BTNL2: variants seen among roughly 807,000 people sequenced by gnomAD.
BTNL2 encodes butyrophilin-like protein 2.
BTNL2 carries 46 observed loss-of-function variants against 46.8 expected under a neutral mutation model. The ratio of observed to expected loss-of-function variants is 0.98; its 90% CI spans 0.78 to 1.26. BTNL2 has a LOEUF of 1.26. Among genes scored for constraint, BTNL2 ranks in the 50% most tolerant of loss-of-function variants. BTNL2 has a pLI of 0.00. For synonymous variants in BTNL2, 226 were observed against 229.1 expected (o/e 0.99, Z 0.12); for missense variants, 461 against 592.6 (o/e 0.78, Z 2.31).
Position 32,394,203 on chromosome 6 carries a change from G to A in BTNL2, c.1361-146C>T. 1.7e-6 allele frequency: 2 copies of A among 1,184,878 alleles called. No homozygotes were observed. The highest frequency in any genetic ancestry group is 2.3e-6 in the Non-Finnish European group (2 of 861,854). The allele number at this position is 1,184,878 out of a possible 1,614,324, so 73.4% of individuals were successfully genotyped here. A position where few individuals can be genotyped will look rare whatever the true frequency, so the allele number is the denominator to read the frequency against. Reference sequence around the variant, plus strand: ...CAGTTGGCCTGCTCCTCCCTGCTCTGGAGATGCAGAGGAGAGAATGCAAGT... The same window carrying A: ...CAGTTGGCCTGCTCCTCCCTGCTCTAGAGATGCAGAGGAGAGAATGCAAGT... On this transcript the variant is annotated intron_variant, in intron 6 of 7. Coordinates refer to ENST00000454136, the MANE Select transcript of BTNL2 (RefSeq NM_001304561.2). The surrounding 1 kb of genome is among the most constrained non-coding windows in gnomAD (Gnocchi z 4.6).
At chr6:32,402,079 G>GT (rs543961353) in intron 3 of BTNL2, among the ~76,000 whole-genome samples, 2,665 of 152,110 alleles carry the variant, frequency 0.018, 75 homozygotes, top group East Asian at 0.11. Flanking sequence ...TTAGCTATCA[G>GT]CATGAAAATA....
In BTNL2 at chr6:32,393,976, CT is replaced by C; in HGVS notation, c.1441del (p.Arg481GlyfsTer?). 6.5e-7 allele frequency: 1 copy of C among 1,546,244 alleles called. No homozygotes were observed. Among genetic ancestry groups the C allele is most frequent in the African/African-American group, 1.4e-5 (1 of 72,082 alleles). The part of the protein sequence containing the change: ...LAVAVGLPRK[R>X]S ...TCCCTGACTTACCTCTTTTCAGCTC[CT>C]CTTCCTGGGCAGGCCTACAGCCACA... On this transcript the variant is annotated frameshift_variant, in exon 7 of 8. Transcript: ENST00000454136. LOFTEE classifies it low-confidence loss of function (END_TRUNC). The surrounding 1 kb of genome is among the most constrained non-coding windows in gnomAD (Gnocchi z 4.8).
At position 32,395,025 on chromosome 6, in the gene BTNL2, C is replaced by A. The variant is rs144121882; in HGVS notation, c.1079G>T (p.Ser360Ile). 22 of 1,557,334 alleles carry A rather than the reference C, an allele frequency of 1.4e-5. No homozygotes were observed. In the East Asian group the frequency reaches 5.0e-4, roughly 35 times the overall value. Residue 360 changes from serine (S) to isoleucine (I), a missense_variant and splice_region_variant, in exon 6 of 8, where the codon AGT (serine) becomes ATT (isoleucine). Coordinates refer to ENST00000454136, the MANE Select transcript of BTNL2 (RefSeq NM_001304561.2). ...QEASLDLKVV[S>I]LGSSPLITVE... ...AGTGATCAGTGGGGAAGAACCCAGA[C>A]CTGGGGCAGAGAAAGCAACCAAAGC... is the stretch of plus-strand genomic sequence containing the variant.
At position 32,396,588 on chromosome 6, in the gene BTNL2, T is replaced by C. The variant is rs117995897; in HGVS notation, c.731-202A>G. The C allele has an allele frequency of 0.023, 13,880 of 597,512 alleles. 807 individuals are homozygous for C. Among genetic ancestry groups the C allele is most frequent in the East Asian group, 0.16 (5,548 of 34,244 alleles). The allele number at this position is 597,512 out of a possible 1,614,324, so 37.0% of individuals were successfully genotyped here. ...TCTTTAAGGAGGAATCATTCCATGA[T>C]GTGTGTCAGTCTGAGTAAAACAGTA... On this transcript the variant is annotated intron_variant, in intron 4 of 7. Transcript: ENST00000454136. The surrounding 1 kb of genome is among the most constrained non-coding windows in gnomAD (Gnocchi z 4.4).
rs746293878 is a variant in BTNL2, at chr6:32,394,697, C to T, written c.1360+47G>A. 22 of 1,566,230 alleles carry T rather than the reference C, an allele frequency of 1.4e-5. No individual in the cohort carries two copies. Among genetic ancestry groups the T allele is most frequent in the East Asian group, 1.4e-4 (6 of 44,376 alleles). On this transcript the variant is annotated intron_variant, in intron 6 of 7. Coordinates refer to ENST00000454136, the MANE Select transcript of BTNL2 (RefSeq NM_001304561.2). The surrounding 1 kb of genome is among the most constrained non-coding windows in gnomAD (Gnocchi z 4.6). ...ATACAATGAGTAAGTCTGAGTTGGTCTTCATATTTATTTTCCAAACCTGAA... is the reference window on the plus strand; with the variant it reads ...ATACAATGAGTAAGTCTGAGTTGGTTTTCATATTTATTTTCCAAACCTGAA...
intron 1 of BTNL2, 111 bp from the exon 2 acceptor site, chr6:32,405,397 T>G: frequency 3.1e-6 from 3 of 970,138 alleles, no homozygotes; most frequent in Non-Finnish European, 4.8e-6. Flanking sequence ...GGGAGAGATA[T>G]ATGTTTAATG....
rs1420890226 is a variant in BTNL2 at position 32,396,300 on chromosome 6, C to T, written c.817G>A (p.Ala273Thr). ...IQLTCYLSPK[A>T]NAQSMEVRWD... is the part of the protein sequence containing the mutation. The stretch of plus-strand genomic sequence containing the variant: ...CTCACCTCCATGCTCTGTGCATTCG[C>T]CTTGGGGGACAGGTAACAGGTTAGC... Residue 273 changes from alanine (A) to threonine (T), a missense_variant, in exon 5 of 8, where the codon GCG becomes ACG. By Grantham distance (58) the Ala-to-Thr change is moderately conservative. Coordinates refer to ENST00000454136, the MANE Select transcript of BTNL2 (RefSeq NM_001304561.2). This position sits in a 1 kb window ranked among gnomAD's most constrained non-coding sequence, Gnocchi z 4.4. The T allele has an allele frequency of 2.5e-6, 4 of 1,612,752 alleles. No individual in the cohort carries two copies. The African/African-American group carries it at 4.0e-5, about 16-fold the overall frequency.
At chr6:32,395,336 T>C (rs1776375905) in intron 5 of BTNL2, among the ~76,000 whole-genome samples, 1 of 152,198 alleles carries the variant, frequency 6.6e-6, no homozygotes. Context: ...ATGGACAGGA[T>C]TAACATACGG....
chr6:32,404,841 T>G (rs1583272407), intron 2 of BTNL2, 98 bp downstream of exon 2: 1 of 1,188,128 alleles, frequency 8.4e-7, no homozygotes, highest in East Asian at 2.3e-5. Context: ...AGGAATTACC[T>G]TGATGATTCA....
intron 3 of BTNL2, 119 bp downstream of exon 3, chr6:32,402,816 A>C: frequency 2.8e-6 from 3 of 1,076,132 alleles, no homozygotes; most frequent in South Asian, 3.4e-5. Flanking sequence ...TATGGCTTTC[A>C]ATACATATTG....
Position 32,396,511 on chromosome 6 carries a change from G to T in BTNL2, c.731-125C>A. ...TCCCAGGGTTGCTGTGAGGCTCAGG[G>T]TCATCCTTAGGTGAGGTGGGGGTTT... On this transcript the variant is annotated intron_variant, in intron 4 of 7. Transcript: ENST00000454136. The surrounding 1 kb of genome is among the most constrained non-coding windows in gnomAD (Gnocchi z 4.4). 2 of 936,392 alleles carry T rather than the reference G, an allele frequency of 2.1e-6. No homozygotes were observed. Among genetic ancestry groups the T allele is most frequent in the Non-Finnish European group, 3.3e-6 (2 of 603,690 alleles). The allele number at this position is 936,392 out of a possible 1,614,324, so 58.0% of individuals were successfully genotyped here. A position where few individuals can be genotyped will look rare whatever the true frequency, so the allele number is the denominator to read the frequency against.
chr6:32,405,342 A>C, intron 1 of BTNL2, 56 bp from the exon 2 acceptor site: 1 of 1,533,142 alleles, frequency 6.5e-7, no homozygotes, highest in Non-Finnish European at 8.9e-7. Flanking sequence ...AATCATATGC[A>C]TGCTTTGGGG....
Position 32,399,712 on chromosome 6 carries a change from GA to G in BTNL2, c.730+2072del, listed in dbSNP as rs1197186874. On this transcript the variant is annotated intron_variant, in intron 4 of 7. Coordinates refer to ENST00000454136, the MANE Select transcript of BTNL2 (RefSeq NM_001304561.2). This position sits in a 1 kb window ranked among gnomAD's most constrained non-coding sequence, Gnocchi z 5.2. Reference sequence around the variant, plus strand: ...CAATTAAACTTTATAATTATTGTAAGAAAAAATGAAATAATTCCCATAACAT... The same window carrying G: ...CAATTAAACTTTATAATTATTGTAAGAAAAATGAAATAATTCCCATAACAT... Among the ~76,000 whole-genome samples, 1 of 152,072 alleles carries G rather than the reference GA, an allele frequency of 6.6e-6. No individual in the cohort carries two copies. Among genetic ancestry groups the G allele is most frequent in the Non-Finnish European group, 1.5e-5 (1 of 67,990 alleles).
intron 3 of BTNL2, among the ~76,000 whole-genome samples, chr6:32,402,353 G>T (rs1415025544): frequency 6.6e-6 from 1 of 152,072 alleles, no homozygotes; most frequent in Non-Finnish European, 1.5e-5. Context: ...TATGTGATTG[G>T]AAATGTCAAT....
Position 32,399,129 on chromosome 6 carries a change from C to T in BTNL2, c.730+2656G>A, listed in dbSNP as rs1307835087. On this transcript the variant is annotated intron_variant, in intron 4 of 7. Coordinates refer to ENST00000454136, the MANE Select transcript of BTNL2 (RefSeq NM_001304561.2). The surrounding 1 kb of genome is among the most constrained non-coding windows in gnomAD (Gnocchi z 5.2). ...GTGTGTGTTGTTCCCTGCCATGCAT[C>T]CATGTGTTCTCACCAATCAGCTCCC... 1.3e-5 allele frequency among the ~76,000 whole-genome samples: 2 copies of T among 152,198 alleles called. No individual in the cohort carries two copies. The highest frequency in any genetic ancestry group is 1.9e-4 in the East Asian group (1 of 5,202).
intron 4 of BTNL2, among the ~76,000 whole-genome samples, chr6:32,398,705 A>G (rs1583258578): frequency 6.6e-6 from 1 of 152,364 alleles, no homozygotes; most frequent in East Asian, 1.9e-4. Flanking sequence ...GGTAATTAAG[A>G]GCTAAAATTG....
intron 4 of BTNL2, 108 bp downstream of exon 4, chr6:32,401,677 G>C: frequency 9.9e-7 from 1 of 1,010,370 alleles, no homozygotes; most frequent in Non-Finnish European, 1.5e-6. Context: ...TGGTAAAATC[G>C]TGCCTCAGTT....
Position 32,394,131 on chromosome 6 carries a change from C to A in BTNL2, c.1361-74G>T, listed in dbSNP as rs2127701794. 6.5e-7 allele frequency: 1 copy of A among 1,531,064 alleles called. No individual in the cohort carries two copies. Among genetic ancestry groups the A allele is most frequent in the Non-Finnish European group, 8.8e-7 (1 of 1,136,174 alleles). 94.8% of individuals were successfully genotyped at this position (1,531,064 alleles called of 1,614,324 possible). ...ATTAAGATTGTACTTTTCATCTGAGCAGCTTCTAGGCTGGAGAGAAGGGAG... is the reference window on the plus strand; with the variant it reads ...ATTAAGATTGTACTTTTCATCTGAGAAGCTTCTAGGCTGGAGAGAAGGGAG... On this transcript the variant is annotated intron_variant, in intron 6 of 7. Transcript: ENST00000454136. The surrounding 1 kb of genome is among the most constrained non-coding windows in gnomAD (Gnocchi z 4.6).
intron 1 of BTNL2, 44 bp from the exon 2 acceptor site, chr6:32,405,330 A>G (rs1777067036): frequency 6.3e-7 from 1 of 1,576,050 alleles, no homozygotes; most frequent in Non-Finnish European, 8.7e-7. Context: ...TGCCAATCAG[A>G]AAATCATATG....
Sources: gnomAD v4.1 joint callset for allele counts (sites outside exome capture counted in the v4.1 genomes callset) on GRCh38, gnomAD v4.1.1 for gene constraint, Gnocchi (gnomAD v3.1) non-coding constraint, MANE v1.5 for transcripts, NCBI Gene and HGNC (gene_info 2026-07-23, HGNC 2026-07-21) for gene names.